Variants in LHX8 observed in about 807,000 individuals in gnomAD.
The protein encoded by LHX8 is LIM/homeobox protein Lhx8.
In LHX8, 12 loss-of-function variants were observed where a neutral mutation model predicts 40.3. The ratio of observed to expected loss-of-function variants is 0.30; its 90% CI spans 0.19 to 0.48. LHX8 has a LOEUF of 0.48. Among genes scored for constraint, LHX8 ranks in the 20% least tolerant of loss-of-function variants. The pLI is 0.99. For missense variants in LHX8, 344 were observed against 433.7 expected (o/e 0.79, Z 1.84); for synonymous variants, 179 against 162.0 (o/e 1.10, Z -0.80).
upstream of LHX8, chr1:75,130,273 A>C (rs192939997): frequency 9.5e-6 from 2 of 211,500 alleles, no homozygotes; most frequent in African/African-American, 4.5e-5. Flanking sequence ...GGGAGAGCTT[A>C]CTGGCGCTCT....
At chr1:75,190,358 T>C in the LHX8 span, among the ~76,000 whole-genome samples, 1 of 152,192 alleles carries the variant, frequency 6.6e-6, no homozygotes, top group East Asian at 1.9e-4. Flanking sequence ...TTTTGCCCTA[T>C]ATTTTTCTTT....
chr1:75,135,338 C>A (rs927809474), intron 1 of LHX8, among the ~76,000 whole-genome samples: 1 of 152,212 alleles, frequency 6.6e-6, no homozygotes, highest in Non-Finnish European at 1.5e-5. Flanking sequence ...AGGACGCGCG[C>A]GGGGCGCCCC....
chr1:75,152,057 C>T (rs541589086), intron 7 of LHX8, among the ~76,000 whole-genome samples: 9 of 152,258 alleles, frequency 5.9e-5, no homozygotes, highest in African/African-American at 2.2e-4. Context: ...TACATAGGCT[C>T]ACTATATGTT....
In LHX8 at chr1:75,161,088, C is replaced by T; in HGVS notation, c.*193C>T. On this transcript the variant is annotated 3_prime_UTR_variant, in exon 9 of 9. Transcript: ENST00000356261. Reference sequence around the variant, plus strand: ...TATTAATTCTTCATTTTTTGTAAAACTTATGTTTACAAGAAGAAAACAAAT... The same window carrying T: ...TATTAATTCTTCATTTTTTGTAAAATTTATGTTTACAAGAAGAAAACAAAT... The T allele has an allele frequency of 1.7e-6, 1 of 572,514 alleles. No homozygotes were observed. Among genetic ancestry groups the T allele is most frequent in the East Asian group, 3.0e-5 (1 of 33,708 alleles). 35.5% of individuals were successfully genotyped at this position (572,514 alleles called of 1,614,324 possible). A position where few individuals can be genotyped will look rare whatever the true frequency, so the allele number is the denominator to read the frequency against.
Position 75,134,967 on chromosome 1 carries a change from T to C in LHX8, c.-13+13T>C. 1.0e-6 allele frequency: 1 copy of C among 982,882 alleles called. No homozygotes were observed. Among genetic ancestry groups the C allele is most frequent in the Non-Finnish European group, 1.2e-6 (1 of 827,812 alleles). The allele number at this position is 982,882 out of a possible 1,614,324, so 60.9% of individuals were successfully genotyped here. ...CTCTCAGGTCCATGTGAGTCGTGCT[T>C]TTGTTCTATTTGCTGTGGTGATCGT... On this transcript the variant is annotated intron_variant, in intron 1 of 8. Coordinates refer to ENST00000356261, the MANE Select transcript of LHX8 (RefSeq NM_001256114.2).
upstream of LHX8, chr1:75,130,772 AG>A (rs571111569): frequency 1.3e-3 from 2,165 of 1,605,424 alleles, 2 homozygotes; most frequent in Non-Finnish European, 1.7e-3. Context: ...AATCTCCTAA[AG>A]TCTTTTTCCA....
upstream of LHX8, chr1:75,130,580 G>C: frequency 1.2e-6 from 1 of 849,108 alleles, no homozygotes; most frequent in East Asian, 2.4e-5. Flanking sequence ...CCCGCTTTTG[G>C]CGACCTCCAC....
rs570256719 is a variant in LHX8, at chr1:75,137,156, C to G, written c.132C>G (p.Ser44=). The change falls in exon 3 of 9, where the codon TCC becomes TCG. Residue 44 remains serine, a synonymous_variant. Coordinates refer to ENST00000356261, the MANE Select transcript of LHX8 (RefSeq NM_001256114.2). ...EDSCSSSAPL[S]PSSSPRSMAS... ...CGTGCTCCTCCTCGGCCCCGCTGTC[C>G]CCGTCGTCCTCGCCCCGGTCCATGG... 6.2e-6 allele frequency: 10 copies of G among 1,612,910 alleles called. No individual in the cohort carries two copies. Among genetic ancestry groups the G allele is most frequent in the Admixed American group, 5.0e-5 (3 of 60,004 alleles).
the LHX8 span, among the ~76,000 whole-genome samples, chr1:75,195,226 T>TA: frequency 6.6e-6 from 1 of 152,120 alleles, no homozygotes; most frequent in Non-Finnish European, 1.5e-5. Context: ...CAGAGGCAGG[T>TA]GTTGTCCCAG....
At chr1:75,146,742 A>G (rs931271525) in intron 6 of LHX8, among the ~76,000 whole-genome samples, 2 of 152,158 alleles carry the variant, frequency 1.3e-5, no homozygotes, top group Admixed American at 1.3e-4. Flanking sequence ...GATACTATTG[A>G]AAGGAAGAAC....
chr1:75,175,814 C>T, the LHX8 span, among the ~76,000 whole-genome samples: 2 of 152,008 alleles, frequency 1.3e-5, no homozygotes, highest in African/African-American at 4.8e-5. Flanking sequence ...TAATGCTATC[C>T]CTCCCCCATT....
chr1:75,152,669 T>C (rs1365022263), intron 7 of LHX8, among the ~76,000 whole-genome samples: 1 of 152,192 alleles, frequency 6.6e-6, no homozygotes, highest in African/African-American at 2.4e-5. Flanking sequence ...AGTCCAAAGA[T>C]AAAACATGCA....
chr1:75,179,499 G>GT, the LHX8 span, among the ~76,000 whole-genome samples: 1,390 of 106,960 alleles, frequency 0.013, 22 homozygotes, highest in Middle Eastern at 0.024. Flanking sequence ...TGCAACCCCT[G>GT]TTGTTTTTTT....
At chr1:75,149,074 C>A (rs1252222058) in intron 7 of LHX8, among the ~76,000 whole-genome samples, 1 of 152,202 alleles carries the variant, frequency 6.6e-6, no homozygotes, top group Non-Finnish European at 1.5e-5. Context: ...TCAGTACTCA[C>A]AGCAACCCTA....
At chr1:75,158,747 TGGTA>T (rs1249398122) in intron 8 of LHX8, among the ~76,000 whole-genome samples, 1 of 152,172 alleles carries the variant, frequency 6.6e-6, no homozygotes, top group East Asian at 1.9e-4. Context: ...ATTCTAATCA[TGGTA>T]GGTCTATAAT....
chr1:75,159,490 T>G (rs1648859151), intron 8 of LHX8: 1 of 152,124 alleles, frequency 6.6e-6, no homozygotes, highest in African/African-American at 2.4e-5. Flanking sequence ...GCTCTCTATA[T>G]CTAATATCCT....
Position 75,160,834 on chromosome 1 carries a change from C to T in LHX8, c.980C>T (p.Thr327Ile). ...HSYMDAHSPT[T>I]LGLQPLLPHS... ...TATTTTGTAGCTCATTCACCAACAA[C>T]TCTTGGACTCCAGCCCTTGTTACCC... The change falls in exon 9 of 9, where the codon ACT (threonine) becomes ATT (isoleucine). Residue 327 changes from threonine (T) to isoleucine (I), a missense_variant. Coordinates refer to ENST00000356261, the MANE Select transcript of LHX8 (RefSeq NM_001256114.2). 1 of 1,612,808 alleles carries T rather than the reference C, an allele frequency of 6.2e-7. No individual in the cohort carries two copies. Among genetic ancestry groups the T allele is most frequent in the Non-Finnish European group, 8.5e-7 (1 of 1,178,876 alleles).
chr1:75,172,241 A>G, the LHX8 span, among the ~76,000 whole-genome samples: 1 of 152,224 alleles, frequency 6.6e-6, no homozygotes, highest in Non-Finnish European at 1.5e-5. Flanking sequence ...GATGTATGAG[A>G]CCACTATACC....
At chr1:75,130,712 G>C (rs1647939963), upstream of LHX8, 1 of 1,614,064 alleles carries the variant, frequency 6.2e-7, no homozygotes, top group Non-Finnish European at 8.5e-7. Flanking sequence ...TCTCTGAGGG[G>C]TTATGCAGAT....
Sources: gnomAD v4.1 joint callset for allele counts (sites outside exome capture counted in the v4.1 genomes callset) on GRCh38, gnomAD v4.1.1 for gene constraint, MANE v1.5 for transcripts, NCBI Gene and HGNC (gene_info 2026-07-23, HGNC 2026-07-21) for gene names.